Variants in CERS1 observed in about 807,000 individuals in gnomAD.
CERS1 encodes ceramide synthase 1, also known as Embryonic growth/differentiation factor 1.
In CERS1, 16 loss-of-function variants were observed where a neutral mutation model predicts 35.7. The ratio of observed to expected loss-of-function variants is 0.45; its 90% confidence interval spans 0.30 to 0.68. The LOEUF (loss-of-function observed/expected upper bound fraction) is 0.68, where lower values mean the gene tolerates loss of function less well. CERS1 is among the 30% of genes least tolerant of loss of function. The pLI, the probability that CERS1 is intolerant of heterozygous loss-of-function variation, is 0.08. For missense variants in CERS1, 454 were observed against 453.9 expected, an observed-to-expected ratio of 1.00 and a Z score of 0.00; for synonymous variants, 243 against 201.6, an observed-to-expected ratio of 1.21 and a Z score of -1.74.
chr19:18,884,249 G>A lies in CERS1; in HGVS notation c.428C>T (p.Ala143Val), dbSNP rs752446477. The change falls in exon 3 of 8, where the codon GCA (alanine) becomes GTA (valine). Residue 143 changes from alanine (A) to valine (V), a missense_variant. Transcript: ENST00000623882. ...SVFYDWTPGM[A>V]VPRDIAAAYL... is the part of the protein sequence containing the mutation. ...GGCGGCTGCAATGTCCCGTGGCACT[G>A]CCATGCCCGGCGTCCAGTCTGGGGA... 3 of 1,612,512 alleles carry A rather than the reference G, an allele frequency of 1.9e-6. No homozygotes were observed. The highest frequency in any genetic ancestry group is 2.5e-6 in the Non-Finnish European group (3 of 1,179,556).
At position 18,869,053 on chromosome 19, in the gene CERS1, G is replaced by T; in HGVS notation, c.*932C>A. ...GGCGCGCGCAGGCGGCAGGGGCCCGGGGGCGTAGCGCCAGCGCCAGGCGGA... is the reference window on the plus strand; with the variant it reads ...GGCGCGCGCAGGCGGCAGGGGCCCGTGGGCGTAGCGCCAGCGCCAGGCGGA... On this transcript the variant is annotated 3_prime_UTR_variant, in exon 8 of 8. Coordinates refer to ENST00000623882, the MANE Select transcript of CERS1 (RefSeq NM_021267.5). 9.4e-7 allele frequency: 1 copy of T among 1,063,088 alleles called. No individual in the cohort carries two copies. Among genetic ancestry groups the T allele is most frequent in the South Asian group, 4.3e-5 (1 of 23,192 alleles). 65.9% of individuals were successfully genotyped at this position (1,063,088 alleles called of 1,614,324 possible).
Position 18,893,402 on chromosome 19 carries a change from C to A in CERS1, c.409+14G>T. On this transcript the variant is annotated intron_variant, in intron 2 of 7. Transcript: ENST00000623882. Reference sequence around the variant, plus strand: ...TAAGCAGAGCCCTCCCGGCCATCCCCTCAGGGCCCCTACCGTAGAAGACAG... The same window carrying A: ...TAAGCAGAGCCCTCCCGGCCATCCCATCAGGGCCCCTACCGTAGAAGACAG... 6.3e-7 allele frequency: 1 copy of A among 1,595,396 alleles called. No individual in the cohort carries two copies. The highest frequency in any genetic ancestry group is 2.3e-5 in the East Asian group (1 of 43,964).
In CERS1 at chr19:18,869,344, G is replaced by A. The variant is rs755967902; in HGVS notation, c.*641C>T. The A allele has an allele frequency of 7.2e-6, 11 of 1,531,912 alleles. No homozygotes were observed. Among genetic ancestry groups the A allele is most frequent in the Non-Finnish European group, 6.1e-6 (7 of 1,146,386 alleles). The allele number at this position is 1,531,912 out of a possible 1,614,324, so 94.9% of individuals were successfully genotyped here. A position where few individuals can be genotyped will look rare whatever the true frequency, so the allele number is the denominator to read the frequency against. On this transcript the variant is annotated 3_prime_UTR_variant, in exon 8 of 8. Coordinates refer to ENST00000623882, the MANE Select transcript of CERS1 (RefSeq NM_021267.5). ...GGTCGAAGACGACTGTCCACTCAGG[G>A]CAATGCCCCGCGGCCGAGGCAGGCT...
Position 18,893,369 on chromosome 19 carries a change from T to C in CERS1, c.409+47A>G, listed in dbSNP as rs751173220. On this transcript the variant is annotated intron_variant, in intron 2 of 7. Transcript: ENST00000623882. ...AGCTGGGACCACAAGCCTGGCGTCT[T>C]TGTGTTTTAAGCAGAGCCCTCCCGG... The C allele has an allele frequency of 2.6e-6, 4 of 1,548,082 alleles. No individual in the cohort carries two copies. The East Asian group carries it at 7.2e-5, about 28-fold the overall frequency.
At position 18,895,933 on chromosome 19, in the gene CERS1, C is replaced by T; in HGVS notation, c.140G>A (p.Arg47His). 8.3e-7 allele frequency: 1 copy of T among 1,199,348 alleles called. No homozygotes were observed. Among genetic ancestry groups the T allele is most frequent in the East Asian group, 4.3e-5 (1 of 23,362 alleles). 74.3% of individuals were successfully genotyped at this position (1,199,348 alleles called of 1,614,324 possible). A position where few individuals can be genotyped will look rare whatever the true frequency, so the allele number is the denominator to read the frequency against. The change falls in exon 1 of 8, where the codon CGC (arginine) becomes CAC (histidine). Residue 47 changes from arginine to histidine, a missense_variant. Physicochemically the swap from Arg to His is conservative, Grantham distance 29 (BLOSUM62 0). Coordinates refer to ENST00000623882, the MANE Select transcript of CERS1 (RefSeq NM_021267.5). This position sits in a 1 kb window ranked among gnomAD's most constrained non-coding sequence, Gnocchi z 6.4. Reference protein sequence around the residue: ...CTDCGWGLARRGLAEHAHLAP... With the variant: ...CTDCGWGLARHGLAEHAHLAP... ...CAGGTGCGCGTGCTCAGCCAGGCCGCGACGCGCCAGCCCCCAGCCGCAGTC... is the reference window on the plus strand; with the variant it reads ...CAGGTGCGCGTGCTCAGCCAGGCCGTGACGCGCCAGCCCCCAGCCGCAGTC...
At chr19:18,896,168 G>A (rs1306205957), upstream of CERS1, 3 of 380,166 alleles carry the variant, frequency 7.9e-6, no homozygotes, top group Non-Finnish European at 1.1e-5. This position sits in a 1 kb window ranked among gnomAD's most constrained non-coding sequence, Gnocchi z 5.9. Context: ...TGGGCCGGGG[G>A]CGCGCGGGCG....
Position 18,883,248 on chromosome 19 carries a change from G to A in CERS1, c.590+839C>T, listed in dbSNP as rs562365576. On this transcript the variant is annotated intron_variant, in intron 3 of 7. Coordinates refer to ENST00000623882, the MANE Select transcript of CERS1 (RefSeq NM_021267.5). ...CCCGTAGGAATAGTATATGAGCAGT[G>A]TATTTCATTTTAAAGTTTCTATTGG... is the stretch of plus-strand genomic sequence containing the variant. The A allele has an allele frequency of 9.2e-5, 14 of 152,280 alleles. No individual in the cohort carries two copies. In the South Asian group the frequency reaches 2.7e-3, roughly 29 times the overall value. The allele number at this position is 152,280 out of a possible 1,614,324, so 9.4% of individuals were successfully genotyped here.
rs2056618037 is a variant in CERS1 at position 18,896,001 on chromosome 19, C to G, written c.72G>C (p.Gln24His). 1 of 1,018,390 alleles carries G rather than the reference C, an allele frequency of 9.8e-7. No homozygotes were observed. Among genetic ancestry groups the G allele is most frequent in the Admixed American group, 5.7e-5 (1 of 17,434 alleles). The allele number at this position is 1,018,390 out of a possible 1,614,324, so 63.1% of individuals were successfully genotyped here. ...EPMPSYAQLV[Q>H]RGWGSALAAA... ...CCGCCAGCGCGCTGCCCCAGCCGCG[C>G]TGCACTAGCTGCGCGTAGCTCGGCA... is the stretch of plus-strand genomic sequence containing the variant. Residue 24 changes from glutamine (Q) to histidine (H), a missense_variant, in exon 1 of 8, where the codon CAG (glutamine) becomes CAC (histidine). Transcript: ENST00000623882. This position sits in a 1 kb window ranked among gnomAD's most constrained non-coding sequence, Gnocchi z 5.9.
At position 18,880,471 on chromosome 19, in the gene CERS1, C is replaced by T. The variant is rs2056177393; in HGVS notation, c.591-36G>A. The stretch of plus-strand genomic sequence containing the variant: ...AGCAGGCAGAGAGGAGAGGGCAGCT[C>T]ACATTGGGGGACCTCCACTCTGCAC... On this transcript the variant is annotated intron_variant, in intron 3 of 7. Coordinates refer to ENST00000623882, the MANE Select transcript of CERS1 (RefSeq NM_021267.5). The T allele has an allele frequency of 3.2e-6, 5 of 1,540,438 alleles. 1 individual carries two copies. The highest frequency in any genetic ancestry group is 4.4e-6 in the Non-Finnish European group (5 of 1,137,710).
chr19:18,880,251 G>A (rs776518745), intron 4 of CERS1, 23 bp downstream of exon 4: 3 of 1,532,264 alleles, frequency 2.0e-6, no homozygotes, highest in South Asian at 1.2e-5. Context: ...CTCCCTCCCT[G>A]CCCAGCACTC....
rs2056598195 is a variant in CERS1, at chr19:18,895,309, C to T, written c.249+515G>A. ...GACCCAGCAGAAAACGGGCAGCGGACCTCGCTCCGGGCCGGGGCGCAGCCC... is the reference window on the plus strand; with the variant it reads ...GACCCAGCAGAAAACGGGCAGCGGATCTCGCTCCGGGCCGGGGCGCAGCCC... On this transcript the variant is annotated intron_variant, in intron 1 of 7. Transcript: ENST00000623882. This position sits in a 1 kb window ranked among gnomAD's most constrained non-coding sequence, Gnocchi z 6.4. Among the ~76,000 whole-genome samples the T allele has an allele frequency of 6.6e-6, 1 of 152,196 alleles. No homozygotes were observed. The highest frequency in any genetic ancestry group is 1.5e-5 in the Non-Finnish European group (1 of 68,028).
intron 6 of CERS1, among the ~76,000 whole-genome samples, chr19:18,877,756 C>CAAAAAAAA (rs386388683): frequency 1.9e-5 from 2 of 103,970 alleles, no homozygotes; most frequent in East Asian, 2.8e-4. Flanking sequence ...GACCCTGTCT[C>CAAAAAAAA]AAAAAAAAAA....
At position 18,878,810 on chromosome 19, in the gene CERS1, T is replaced by TG. The variant is rs2056115821; in HGVS notation, c.1010+119dup. 7 of 1,488,974 alleles carry TG rather than the reference T, an allele frequency of 4.7e-6. No homozygotes were observed. The highest frequency in any genetic ancestry group is 1.4e-5 in the African/African-American group (1 of 72,070). 92.2% of individuals were successfully genotyped at this position (1,488,974 alleles called of 1,614,324 possible). ...TGCAGTCTCTGTTTTGGAGTAGGCT[T>TG]GGGGGGCAGCATCCGCGTCGGCCTC... On this transcript the variant is annotated intron_variant, in intron 6 of 7. Coordinates refer to ENST00000623882, the MANE Select transcript of CERS1 (RefSeq NM_021267.5). This position sits in a 1 kb window ranked among gnomAD's most constrained non-coding sequence, Gnocchi z 4.6.
chr19:18,885,066 C>T (rs2056316997), intron 2 of CERS1, among the ~76,000 whole-genome samples: 1 of 152,102 alleles, frequency 6.6e-6, no homozygotes, highest in African/African-American at 2.4e-5. Context: ...GAAAATTGAG[C>T]AGATAGGACA....
intron 6 of CERS1, chr19:18,877,985 CAG>C (rs2056092925): frequency 1.0e-6 from 1 of 985,380 alleles, no homozygotes; most frequent in African/African-American, 1.7e-5. Flanking sequence ...CCCTTCCAAA[CAG>C]GGTGGGGGGT....
At chr19:18,876,674 C>G (rs1174630044) in intron 6 of CERS1, among the ~76,000 whole-genome samples, 1 of 152,106 alleles carries the variant, frequency 6.6e-6, no homozygotes, top group African/African-American at 2.4e-5. Context: ...CGTGAGCCAC[C>G]ACGCCTGGCC....
intron 2 of CERS1, among the ~76,000 whole-genome samples, chr19:18,892,411 G>A (rs2056512874): frequency 6.6e-6 from 1 of 151,828 alleles, no homozygotes; most frequent in African/African-American, 2.4e-5. Context: ...TCAGGAGATT[G>A]AGACCATCCT....
In CERS1 at chr19:18,878,931, C is replaced by T. The variant is rs761766419; in HGVS notation, c.1009G>A (p.Glu337Lys). 20 of 1,613,442 alleles carry T rather than the reference C, an allele frequency of 1.2e-5. No homozygotes were observed. Among genetic ancestry groups the T allele is most frequent in the Middle Eastern group, 1.6e-4 (1 of 6,080 alleles). The change falls in exon 6 of 8, where the codon GAG becomes AAG. Residue 337 changes from glutamate (E) to lysine (K), a missense_variant and splice_region_variant. By Grantham distance (56) the Glu-to-Lys change is moderately conservative. Coordinates refer to ENST00000623882, the MANE Select transcript of CERS1 (RefSeq NM_021267.5). The surrounding 1 kb of genome is among the most constrained non-coding windows in gnomAD (Gnocchi z 4.6). Reference sequence around the variant, plus strand: ...GGGTGCGGGCCCCTCCACACTCACTCGGCTTTGCTGGGCTTCAGGCTCTGG... The same window carrying T: ...GGGTGCGGGCCCCTCCACACTCACTTGGCTTTGCTGGGCTTCAGGCTCTGG... ...EAQSLKPSKAEKPLRNGLVKD... is the reference protein window; with the variant it reads ...EAQSLKPSKAKKPLRNGLVKD...
At position 18,880,445 on chromosome 19, in the gene CERS1, C is replaced by G. The variant is rs781249751; in HGVS notation, c.591-10G>C. ...GCCCACATTGTGGTACCTGGGGGAG[C>G]AGCAGGCAGAGAGGAGAGGGCAGCT... On this transcript the variant is annotated splice_polypyrimidine_tract_variant and intron_variant, in intron 3 of 7. Coordinates refer to ENST00000623882, the MANE Select transcript of CERS1 (RefSeq NM_021267.5). 9.5e-6 allele frequency: 15 copies of G among 1,574,980 alleles called. No individual in the cohort carries two copies. The highest frequency in any genetic ancestry group is 2.6e-6 in the Non-Finnish European group (3 of 1,157,484).
Sources: allele counts gnomAD v4.1 joint callset (sites outside exome capture counted in the v4.1 genomes callset), GRCh38; gene constraint gnomAD v4.1.1; non-coding constraint Gnocchi (gnomAD v3.1); transcripts MANE v1.5; gene names NCBI Gene and HGNC (gene_info 2026-07-23, HGNC 2026-07-21).